ZNF804B: variants seen among roughly 807,000 people sequenced by gnomAD.
ZNF804B encodes the protein zinc finger protein 804B, also known as zinc finger 804B.
In ZNF804B, 80 loss-of-function variants were observed where a neutral mutation model predicts 101.4. That is an observed-to-expected ratio of 0.79 (90% CI 0.66 to 0.95). The LOEUF (loss-of-function observed/expected upper bound fraction) is 0.95, where lower values mean the gene tolerates loss of function less well. Ranked by LOEUF, ZNF804B falls within the 40% of genes least tolerant of loss-of-function variation. The pLI, the probability that ZNF804B is intolerant of heterozygous loss-of-function variation, is 0.00. For missense variants in ZNF804B, 1,673 were observed against 1,561.9 expected, an observed-to-expected ratio of 1.07 and a Z score of -1.20; for synonymous variants, 622 against 558.8, an observed-to-expected ratio of 1.11 and a Z score of -1.59.
At chr7:89,222,714 T>C (rs1420968323) in intron 2 of ZNF804B, among the ~76,000 whole-genome samples, 1 of 151,966 alleles carries the variant, frequency 6.6e-6, no homozygotes, top group East Asian at 1.9e-4. Context: ...TACTTCTGCA[T>C]ATTTAATGCA....
intron 1 of ZNF804B, among the ~76,000 whole-genome samples, chr7:89,130,052 G>A (rs902486694): frequency 3.3e-5 from 5 of 151,942 alleles, no homozygotes; most frequent in Admixed American, 1.3e-4. Context: ...CTTGGAAACT[G>A]TAATATATAT....
intron 1 of ZNF804B, among the ~76,000 whole-genome samples, chr7:89,178,285 G>A (rs1290331096): frequency 3.0e-5 from 4 of 135,128 alleles, no homozygotes; most frequent in Non-Finnish European, 4.7e-5. Context: ...TTATCGATAA[G>A]CAAGGATTTA....
chr7:89,252,559 T>C (rs1789558301), intron 2 of ZNF804B, among the ~76,000 whole-genome samples: 1 of 152,116 alleles, frequency 6.6e-6, no homozygotes, highest in African/African-American at 2.4e-5. Context: ...AAGAAATCAT[T>C]CTACCAAATA....
In ZNF804B at chr7:89,015,662, G is replaced by T. The variant is rs917625321; in HGVS notation, c.109-202493G>T. The stretch of plus-strand genomic sequence containing the variant: ...TCATCCATGTCCCTACAAAGGACAT[G>T]AACTCATCATTTTTTATGGCTGCAT... On this transcript the variant is annotated intron_variant, in intron 1 of 3. Transcript: ENST00000333190. Among the ~76,000 whole-genome samples the T allele has an allele frequency of 4.4e-3, 676 of 152,210 alleles. 5 individuals carry two copies. Among genetic ancestry groups the T allele is most frequent in the South Asian group, 6.2e-3 (30 of 4,820 alleles).
intron 1 of ZNF804B, among the ~76,000 whole-genome samples, chr7:89,050,847 C>G (rs2116265085): frequency 6.6e-6 from 1 of 152,126 alleles, no homozygotes; most frequent in South Asian, 2.1e-4. Context: ...TCTGTCATAA[C>G]AACTTTTTAT....
At chr7:89,153,352 T>C (rs1790905737) in intron 1 of ZNF804B, among the ~76,000 whole-genome samples, 1 of 151,606 alleles carries the variant, frequency 6.6e-6, no homozygotes, top group African/African-American at 2.4e-5. Context: ...TCCTTTCTTG[T>C]GGCAGTCAGG....
At chr7:88,792,617 T>C (rs1012551647) in intron 1 of ZNF804B, among the ~76,000 whole-genome samples, 1 of 152,138 alleles carries the variant, frequency 6.6e-6, no homozygotes, top group African/African-American at 2.4e-5. Flanking sequence ...TTATCACTAA[T>C]CATTTACTAT....
At chr7:89,047,113 T>G (rs576717787) in intron 1 of ZNF804B, among the ~76,000 whole-genome samples, 1 of 152,276 alleles carries the variant, frequency 6.6e-6, no homozygotes, top group African/African-American at 2.4e-5. Context: ...ATGGATTATG[T>G]CACTTTACCA....
At chr7:88,782,081 A>T (rs935008775) in intron 1 of ZNF804B, among the ~76,000 whole-genome samples, 1 of 149,986 alleles carries the variant, frequency 6.7e-6, no homozygotes, top group African/African-American at 2.5e-5. Flanking sequence ...AGTAGTGACT[A>T]TCCCAGCTTT....
At chr7:89,070,090 A>G (rs1789513579) in intron 1 of ZNF804B, among the ~76,000 whole-genome samples, 1 of 152,204 alleles carries the variant, frequency 6.6e-6, no homozygotes, top group Non-Finnish European at 1.5e-5. Context: ...CACCCAGACA[A>G]TTAACAGCAA....
chr7:88,829,506 A>G (rs1220257859), intron 1 of ZNF804B, among the ~76,000 whole-genome samples: 1 of 152,142 alleles, frequency 6.6e-6, no homozygotes, highest in Non-Finnish European at 1.5e-5. Context: ...AACTGAGAAA[A>G]ATCGTTTTAG....
chr7:89,215,922 A>AATAAATAAATAT (rs1788888321), intron 1 of ZNF804B, among the ~76,000 whole-genome samples: 3 of 148,534 alleles, frequency 2.0e-5, no homozygotes, highest in Non-Finnish European at 4.4e-5. Flanking sequence ...TAAATAAATA[A>AATAAATAAATAT]ATAAATAAGA....
intron 1 of ZNF804B, among the ~76,000 whole-genome samples, chr7:88,868,072 TG>T (rs1791761986): frequency 1.3e-5 from 2 of 151,982 alleles, no homozygotes; most frequent in East Asian, 3.9e-4. Flanking sequence ...TGTGTGTGTG[TG>T]TGTGTGTGTG....
intron 1 of ZNF804B, among the ~76,000 whole-genome samples, chr7:89,175,350 G>T (rs948308812): frequency 6.6e-6 from 1 of 152,030 alleles, no homozygotes; most frequent in East Asian, 1.9e-4. Context: ...CCTAATGTAT[G>T]TTCTTGGCAC....
intron 2 of ZNF804B, among the ~76,000 whole-genome samples, chr7:89,314,113 A>G (rs1416146799): frequency 1.3e-5 from 2 of 152,216 alleles, no homozygotes; most frequent in Non-Finnish European, 2.9e-5. Context: ...AAAAAAATTT[A>G]TCAAAGAAAA....
chr7:89,171,690 C>A (rs1562904782), intron 1 of ZNF804B, among the ~76,000 whole-genome samples: 2 of 152,102 alleles, frequency 1.3e-5, no homozygotes, highest in Non-Finnish European at 2.9e-5. Flanking sequence ...CTGCCTTGGC[C>A]TCCCAAAGTG....
chr7:89,281,706 C>T (rs893869002), intron 2 of ZNF804B, among the ~76,000 whole-genome samples: 8 of 152,132 alleles, frequency 5.3e-5, no homozygotes, highest in African/African-American at 1.9e-4. Flanking sequence ...CAAGGTCTTT[C>T]TGTGTTGCCC....
At chr7:88,783,218 G>C (rs1319289208) in intron 1 of ZNF804B, among the ~76,000 whole-genome samples, 1 of 152,114 alleles carries the variant, frequency 6.6e-6, no homozygotes, top group Non-Finnish European at 1.5e-5. Context: ...ATAAATACTT[G>C]AAGTTTTTGC....
At chr7:88,876,861 C>G (rs535880407) in intron 1 of ZNF804B, among the ~76,000 whole-genome samples, 7 of 149,818 alleles carry the variant, frequency 4.7e-5, no homozygotes, top group East Asian at 2.0e-4. Flanking sequence ...AAAATATACA[C>G]CACTTAAAAA....
Sources: gnomAD v4.1 joint callset for allele counts (sites outside exome capture counted in the v4.1 genomes callset) on GRCh38, gnomAD v4.1.1 for gene constraint, MANE v1.5 for transcripts, NCBI Gene and HGNC (gene_info 2026-07-23, HGNC 2026-07-21) for gene names.